The following SCEL variants were observed in gnomAD, a reference collection of about 807,000 sequenced individuals.
SCEL encodes sciellin.
A neutral mutation model predicts 117.6 loss-of-function variants in SCEL; 113 were observed. The observed-to-expected ratio is 0.96, with a 90% CI of 0.83 to 1.12. SCEL has a LOEUF of 1.12. Ranked by LOEUF, SCEL falls within the 50% of genes most tolerant of loss-of-function variation. The pLI, the probability that SCEL is intolerant of heterozygous loss-of-function variation, is 0.00. For missense variants in SCEL, 785 were observed against 810.8 expected (o/e 0.97, Z 0.39); for synonymous variants, 270 against 256.2 (o/e 1.05, Z -0.51).
chr13:77,563,526 G>C (rs1420058286), intron 4 of SCEL, among the ~76,000 whole-genome samples: 1 of 151,998 alleles, frequency 6.6e-6, no homozygotes, highest in African/African-American at 2.4e-5. Context: ...AACATTTTGA[G>C]TGTTGTGTTG....
intron 9 of SCEL, among the ~76,000 whole-genome samples, chr13:77,582,984 A>C (rs1287827310): frequency 6.6e-6 from 1 of 152,234 alleles, no homozygotes; most frequent in African/African-American, 2.4e-5. Context: ...AGCTGCTATG[A>C]CTTAAGCAAT....
At chr13:77,637,391 A>AAT (rs1295846250) in intron 30 of SCEL, among the ~76,000 whole-genome samples, 197 bp downstream of exon 30, 2 of 124,700 alleles carry the variant, frequency 1.6e-5, no homozygotes, top group African/African-American at 5.9e-5. Context: ...TACATATATA[A>AAT]ATATATATAC....
At chr13:77,624,708 G>A (rs2089635527) in intron 27 of SCEL, among the ~76,000 whole-genome samples, 1 of 152,154 alleles carries the variant, frequency 6.6e-6, no homozygotes, top group South Asian at 2.1e-4. Context: ...CTGGGTGATG[G>A]ACAGAGATGG....
At position 77,603,061 on chromosome 13, in the gene SCEL, C is replaced by CTT; in HGVS notation, c.1038-6_1038-5dup. On this transcript the variant is annotated splice_polypyrimidine_tract_variant and intron_variant, in intron 17 of 32. Coordinates refer to ENST00000349847, the MANE Select transcript of SCEL (RefSeq NM_144777.3). ...GGGAATGTTTTGAAACTGATATAAA[C>CTT]TTTTTTTTTTAAAGAAGTGAAGACC... 21 of 1,339,340 alleles carry CTT rather than the reference C, an allele frequency of 1.6e-5. No homozygotes were observed. The highest frequency in any genetic ancestry group is 2.5e-5 in the East Asian group (1 of 39,674). 83.0% of individuals were successfully genotyped at this position (1,339,340 alleles called of 1,614,324 possible).
chr13:77,609,875 G>A (rs1594111637), intron 21 of SCEL, among the ~76,000 whole-genome samples, 172 bp from the exon 22 acceptor site: 1 of 151,960 alleles, frequency 6.6e-6, no homozygotes, highest in East Asian at 1.9e-4. Context: ...TTTTAGTTAG[G>A]TCCCTATATG....
intron 18 of SCEL, 65 bp from the exon 19 acceptor site, chr13:77,604,291 C>T: frequency 1.0e-6 from 1 of 980,594 alleles, no homozygotes; most frequent in Non-Finnish European, 1.5e-6. Flanking sequence ...TTTTTCCAGC[C>T]ATTATTCATC....
At chr13:77,569,699 A>G (rs114638680) in intron 8 of SCEL, among the ~76,000 whole-genome samples, 4,155 of 152,274 alleles carry the variant, frequency 0.027, 158 homozygotes, top group African/African-American at 0.094. Context: ...TTGAGGTAGC[A>G]TGTTTCATGG....
intron 1 of SCEL, among the ~76,000 whole-genome samples, chr13:77,539,888 G>A (rs2083609324): frequency 6.6e-6 from 1 of 152,076 alleles, no homozygotes; most frequent in Admixed American, 6.6e-5. Flanking sequence ...AATGAGAATA[G>A]CTGATAGAAT....
chr13:77,563,026 T>A (rs1244928905), intron 4 of SCEL, among the ~76,000 whole-genome samples: 5 of 152,316 alleles, frequency 3.3e-5, no homozygotes, highest in African/African-American at 7.2e-5. Context: ...CAGGCTTTTT[T>A]AAATGTTTGA....
At chr13:77,561,955 G>A (rs1370378033) in intron 4 of SCEL, among the ~76,000 whole-genome samples, 1 of 152,104 alleles carries the variant, frequency 6.6e-6, no homozygotes, top group African/African-American at 2.4e-5. Flanking sequence ...GAAAATAAAG[G>A]AAAATAAATA....
At chr13:77,539,687 A>T (rs933718518) in intron 1 of SCEL, among the ~76,000 whole-genome samples, 6 of 151,774 alleles carry the variant, frequency 4.0e-5, no homozygotes, top group Non-Finnish European at 1.5e-5. Context: ...GGCGCCCACC[A>T]CCACGCCCAG....
chr13:77,639,823 A>G (rs919270707), intron 30 of SCEL, among the ~76,000 whole-genome samples: 33 of 152,092 alleles, frequency 2.2e-4, no homozygotes, highest in Non-Finnish European at 4.6e-4. Context: ...CTACTCTGGA[A>G]ATGTCAGGCC....
intron 30 of SCEL, among the ~76,000 whole-genome samples, chr13:77,638,298 C>A (rs568343270): frequency 6.6e-6 from 1 of 152,038 alleles, no homozygotes; most frequent in East Asian, 1.9e-4. Context: ...GAGTGTCTTG[C>A]CTGTAAGTCA....
intron 30 of SCEL, among the ~76,000 whole-genome samples, chr13:77,639,265 T>C (rs1375760546): frequency 6.6e-6 from 1 of 152,210 alleles, no homozygotes. Context: ...TGTGTGTGTG[T>C]TTATGGATAA....
At chr13:77,550,409 TA>T (rs1462913928) in intron 1 of SCEL, among the ~76,000 whole-genome samples, 6 of 145,462 alleles carry the variant, frequency 4.1e-5, no homozygotes, top group East Asian at 2.0e-4. Flanking sequence ...TATATATATA[TA>T]TATTATATAT....
chr13:77,537,866 A>G (rs2083488988), intron 1 of SCEL, among the ~76,000 whole-genome samples: 1 of 152,242 alleles, frequency 6.6e-6, no homozygotes, highest in African/African-American at 2.4e-5. Flanking sequence ...AACTGAGAGT[A>G]TCTTATACGG....
intron 27 of SCEL, among the ~76,000 whole-genome samples, chr13:77,621,597 T>C (rs1270962337): frequency 6.6e-6 from 1 of 152,242 alleles, no homozygotes; most frequent in Non-Finnish European, 1.5e-5. Context: ...TATAAGGTCT[T>C]TAAGGGTAAC....
chr13:77,601,661 A>G (rs1040999), intron 15 of SCEL, among the ~76,000 whole-genome samples: 15,757 of 152,264 alleles, frequency 0.1, 1,354 homozygotes, highest in East Asian at 0.44. Context: ...CTGAATTCTC[A>G]AAGTATTTAG....
At chr13:77,571,553 G>A (rs1489150521) in intron 8 of SCEL, among the ~76,000 whole-genome samples, 1 of 151,672 alleles carries the variant, frequency 6.6e-6, no homozygotes, top group Non-Finnish European at 1.5e-5. Context: ...GCTGGGCGTG[G>A]TGGTGCATGC....
Sources: gnomAD v4.1 joint callset for allele counts (sites outside exome capture counted in the v4.1 genomes callset) on GRCh38, gnomAD v4.1.1 for gene constraint, MANE v1.5 for transcripts, NCBI Gene and HGNC (gene_info 2026-07-23, HGNC 2026-07-21) for gene names.